Variants in RYR3 observed in about 807,000 individuals in gnomAD.
RYR3 encodes ryanodine receptor 3, also known as brain ryanodine receptor-calcium release channel.
RYR3 carries 207 observed loss-of-function variants against 584.3 expected under a neutral mutation model. That is an observed-to-expected ratio of 0.35 (90% CI 0.32 to 0.40). RYR3 has a LOEUF of 0.40. Ranked by LOEUF, RYR3 falls within the 10% of genes least tolerant of loss-of-function variation. The pLI is 1.00. For synonymous variants in RYR3, 2,416 were observed against 2,248.5 expected (o/e 1.07, Z -2.11); for missense variants, 5,616 against 6,089.2 (o/e 0.92, Z 2.59).
In RYR3 at chr15:33,864,205, T is replaced by C. The variant is rs769815751; in HGVS notation, c.14517+16T>C. The C allele has an allele frequency of 2.5e-6, 4 of 1,598,032 alleles. No individual in the cohort carries two copies. In the South Asian group the frequency reaches 4.5e-5, roughly 18 times the overall value. ...CACGGGTCAGGTGAGAAATTAAGAA[T>C]CATATACCCGTGTTAGATCTCCCTT... On this transcript the variant is annotated intron_variant, in intron 103 of 103. Coordinates refer to ENST00000634891, the MANE Select transcript of RYR3 (RefSeq NM_001036.6).
At position 33,671,805 on chromosome 15, in the gene RYR3, CTTTT is replaced by C. The variant is rs56206846; in HGVS notation, c.5860+1270_5860+1273del. ...GTTGCTTCTTTCCCACCTTCTTTTT[CTTTT>C]TTTTTTTTTTTTTTTTTTTTCCTGA... On this transcript the variant is annotated intron_variant, in intron 38 of 103. Transcript: ENST00000634891. Among the ~76,000 whole-genome samples the C allele has an allele frequency of 1.6e-4, 13 of 80,300 alleles. No homozygotes were observed. In the South Asian group the frequency reaches 4.1e-3, roughly 25 times the overall value. 52.7% of individuals were successfully genotyped at this position (80,300 alleles called of 152,430 possible).
chr15:33,563,012 T>C lies in RYR3; in HGVS notation c.1146+2T>C. Reference sequence around the variant, plus strand: ...CGCCTGGGACCTCTAAAAAGAAAGGTGAGAGTCAGAATATCTGTCTACAAT... The same window carrying C: ...CGCCTGGGACCTCTAAAAAGAAAGGCGAGAGTCAGAATATCTGTCTACAAT... On this transcript the variant is annotated splice_donor_variant, in intron 11 of 103. Transcript: ENST00000634891. LOFTEE classifies it high-confidence loss of function. 1 of 1,606,958 alleles carries C rather than the reference T, an allele frequency of 6.2e-7. No individual in the cohort carries two copies. Among genetic ancestry groups the C allele is most frequent in the Non-Finnish European group, 8.5e-7 (1 of 1,176,222 alleles).
At chr15:33,545,179 G>A (rs2056144681) in intron 8 of RYR3, among the ~76,000 whole-genome samples, 1 of 152,096 alleles carries the variant, frequency 6.6e-6, no homozygotes, top group South Asian at 2.1e-4. Flanking sequence ...AAAAAATGAA[G>A]TATTTACCAT....
intron 2 of RYR3, among the ~76,000 whole-genome samples, chr15:33,498,878 C>T (rs2051686440): frequency 6.6e-6 from 1 of 152,050 alleles, no homozygotes; most frequent in South Asian, 2.1e-4. Context: ...GGTATTGTTT[C>T]ATTCTTCAGC....
At chr15:33,853,857 C>T (rs2079360034) in intron 96 of RYR3, among the ~76,000 whole-genome samples, 175 bp downstream of exon 96, 1 of 152,106 alleles carries the variant, frequency 6.6e-6, no homozygotes, top group South Asian at 2.1e-4. Flanking sequence ...AAGACTAATA[C>T]ATTTTTATGC....
intron 3 of RYR3, among the ~76,000 whole-genome samples, chr15:33,507,236 T>A (rs1413929564): frequency 6.6e-6 from 1 of 152,204 alleles, no homozygotes; most frequent in Non-Finnish European, 1.5e-5. Context: ...CAATTTCTCT[T>A]GCTAACAAAG....
At chr15:33,795,147 A>C (rs2075518952) in intron 67 of RYR3, among the ~76,000 whole-genome samples, 1 of 152,028 alleles carries the variant, frequency 6.6e-6, no homozygotes, top group African/African-American at 2.4e-5. Flanking sequence ...GGTTTTTCTC[A>C]TCATATTAAA....
chr15:33,691,862 T>A (rs1359295423), intron 38 of RYR3, among the ~76,000 whole-genome samples: 1 of 152,236 alleles, frequency 6.6e-6, no homozygotes, highest in Admixed American at 6.5e-5. Context: ...CTAACTCGAT[T>A]CAAGCTAAGG....
At chr15:33,681,647 GAC>G (rs2064628175) in intron 38 of RYR3, among the ~76,000 whole-genome samples, 1 of 152,158 alleles carries the variant, frequency 6.6e-6, no homozygotes, top group Non-Finnish European at 1.5e-5. Flanking sequence ...GCCACAAGCT[GAC>G]TTTTCAATCA....
chr15:33,695,434 CG>C (rs200257246), intron 38 of RYR3, among the ~76,000 whole-genome samples: 3 of 148,118 alleles, frequency 2.0e-5, no homozygotes, highest in South Asian at 2.1e-4. Context: ...GTAAAATTTC[CG>C]TAAAACCAGT....
At chr15:33,813,058 T>G in intron 73 of RYR3, 64 bp downstream of exon 73, 1 of 1,592,988 alleles carries the variant, frequency 6.3e-7, no homozygotes, top group Non-Finnish European at 8.6e-7. Context: ...AAAGCTCCCC[T>G]CCACACTCAG....
chr15:33,407,613 G>GA (rs1269688217), intron 1 of RYR3, among the ~76,000 whole-genome samples: 1 of 152,172 alleles, frequency 6.6e-6, no homozygotes, highest in Admixed American at 6.5e-5. Context: ...ATTTCATCCA[G>GA]ATACCAAAAC....
Position 33,762,894 on chromosome 15 carries a change from A to T in RYR3, c.8705+5298A>T, listed in dbSNP as rs557456944. On this transcript the variant is annotated intron_variant, in intron 60 of 103. Transcript: ENST00000634891. Reference sequence around the variant, plus strand: ...GCTACAAGGCTACAGTAACCAAAACAGCATGGTGCTGGTACCAAAACAGAG... The same window carrying T: ...GCTACAAGGCTACAGTAACCAAAACTGCATGGTGCTGGTACCAAAACAGAG... 2.6e-5 allele frequency among the ~76,000 whole-genome samples: 4 copies of T among 152,356 alleles called. No homozygotes were observed. The East Asian group carries it at 7.7e-4, about 29-fold the overall frequency.
At chr15:33,853,235 T>C (rs2079291139) in intron 95 of RYR3, 148 bp downstream of exon 95, 1 of 864,720 alleles carries the variant, frequency 1.2e-6, no homozygotes, top group Admixed American at 3.1e-5. Context: ...GGGTTGGATA[T>C]GAACATATGT....
Position 33,791,910 on chromosome 15 carries a change from G to C in RYR3, c.9830+3452G>C, listed in dbSNP as rs187488727. Among the ~76,000 whole-genome samples, 5 of 152,270 alleles carry C rather than the reference G, an allele frequency of 3.3e-5. No homozygotes were observed. In the South Asian group the frequency reaches 6.2e-4, roughly 19 times the overall value. On this transcript the variant is annotated intron_variant, in intron 67 of 103. Coordinates refer to ENST00000634891, the MANE Select transcript of RYR3 (RefSeq NM_001036.6). Reference sequence around the variant, plus strand: ...TTGTTGGAGAGTGGGTACTAGATAGGAGGAAGGTAGTGGACAGAGAAGTGA... The same window carrying C: ...TTGTTGGAGAGTGGGTACTAGATAGCAGGAAGGTAGTGGACAGAGAAGTGA...
chr15:33,763,904 A>AAAAAAAAAC (rs2072748312), intron 60 of RYR3, among the ~76,000 whole-genome samples: 2 of 130,576 alleles, frequency 1.5e-5, no homozygotes, highest in African/African-American at 6.6e-5. Context: ...AAAAAAAAAA[A>AAAAAAAAAC]AAAAAAAAAA....
rs978569799 is a variant in RYR3 at position 33,323,606 on chromosome 15, G to GA, written c.51+12518dup. ...TACAATTTCTAAGTCAATTAATTGA[G>GA]AAAAAAAATCTAAATAGCTCTCCCA... On this transcript the variant is annotated intron_variant, in intron 1 of 103. Coordinates refer to ENST00000634891, the MANE Select transcript of RYR3 (RefSeq NM_001036.6). 3.3e-5 allele frequency among the ~76,000 whole-genome samples: 5 copies of GA among 152,004 alleles called. No homozygotes were observed. In the East Asian group the frequency reaches 9.7e-4, roughly 29 times the overall value.
chr15:33,613,253 C>T lies in RYR3; in HGVS notation c.2235C>T (p.Cys745=), dbSNP rs769453242. ...GATCGGATGACGTGGTAAGCTGCTG[C>T]CTGGACCTCGGGGTGCCCAGCATCT... ...LLRSDDVVSC[C]LDLGVPSISF... is the part of the protein sequence containing the mutation. The change falls in exon 19 of 104, where the codon TGC becomes TGT. Residue 745 remains cysteine, a synonymous_variant. Coordinates refer to ENST00000634891, the MANE Select transcript of RYR3 (RefSeq NM_001036.6). 1.2e-6 allele frequency: 2 copies of T among 1,613,956 alleles called. No homozygotes were observed. Among genetic ancestry groups the T allele is most frequent in the Admixed American group, 1.7e-5 (1 of 60,028 alleles).
intron 1 of RYR3, among the ~76,000 whole-genome samples, chr15:33,387,141 G>T (rs2041662981): frequency 6.6e-6 from 1 of 152,184 alleles, no homozygotes; most frequent in Admixed American, 6.5e-5. Context: ...ACAGTCGTGA[G>T]ACACCACGCC....
Sources: allele counts gnomAD v4.1 joint callset (sites outside exome capture counted in the v4.1 genomes callset), GRCh38; gene constraint gnomAD v4.1.1; transcripts MANE v1.5; gene names NCBI Gene and HGNC (gene_info 2026-07-23, HGNC 2026-07-21).